The following CAPN14 variants were observed in gnomAD, a reference collection of about 807,000 sequenced individuals.
CAPN14 encodes the protein calpain 14.
A neutral mutation model predicts 101.3 loss-of-function variants in CAPN14; 94 were observed. The ratio of observed to expected loss-of-function variants is 0.93; its 90% CI spans 0.79 to 1.10. CAPN14 has a LOEUF of 1.10. Ranked by LOEUF, CAPN14 falls within the 50% of genes least tolerant of loss-of-function variation. The probability of loss-of-function intolerance (pLI) is 0.00; values close to 1 mark genes in which losing one functional copy is unlikely to be tolerated. For synonymous variants in CAPN14, 338 were observed against 317.9 expected, an observed-to-expected ratio of 1.06 and a Z score of -0.67; for missense variants, 837 against 828.4, an observed-to-expected ratio of 1.01 and a Z score of -0.13.
rs1304217334 is a variant in CAPN14, at chr2:31,188,400, AT to A, written c.1494-47del. ...ACAAACTCAGAGTTTCCTCTTGGGA[AT>A]TTTTTGGCCAATCTTCCCCTTCTCC... is the stretch of plus-strand genomic sequence containing the variant. On this transcript the variant is annotated intron_variant, in intron 13 of 21. Transcript: ENST00000403897. The A allele has an allele frequency of 1.5e-4, 226 of 1,544,350 alleles. 1 individual carries two copies. In the East Asian group the frequency reaches 5.4e-3, roughly 37 times the overall value.
chr2:31,222,962 A>G (rs572106053), intron 2 of CAPN14, among the ~76,000 whole-genome samples: 1 of 152,366 alleles, frequency 6.6e-6, no homozygotes, highest in African/African-American at 2.4e-5. Flanking sequence ...GGGACCCCAG[A>G]GAACTCTCCT....
chr2:31,213,922 G>C (rs1388020065), intron 1 of CAPN14, among the ~76,000 whole-genome samples: 2 of 150,838 alleles, frequency 1.3e-5, no homozygotes, highest in South Asian at 2.1e-4. Flanking sequence ...GGTTTGAAAG[G>C]CTTTAAATTG....
At chr2:31,229,034 G>A (rs1238995786) in intron 1 of CAPN14, among the ~76,000 whole-genome samples, 1 of 152,136 alleles carries the variant, frequency 6.6e-6, no homozygotes, top group Non-Finnish European at 1.5e-5. Flanking sequence ...CGAGTTCCAG[G>A]GGCATTACAT....
intron 2 of CAPN14, among the ~76,000 whole-genome samples, chr2:31,222,905 G>T (rs1449395878): frequency 6.6e-6 from 1 of 152,184 alleles, no homozygotes; most frequent in African/African-American, 2.4e-5. Flanking sequence ...AGCAATGAAT[G>T]GGATTTATGA....
rs573244043 is a variant in CAPN14, at chr2:31,182,585, A to G, written c.1646-1585T>C. On this transcript the variant is annotated intron_variant, in intron 16 of 21. Coordinates refer to ENST00000403897, the MANE Select transcript of CAPN14 (RefSeq NM_001145122.2). ...AATCATGAGTGAACTCCCATTCACAATTGCTTCAAAGAGAATAAAATACCT... is the reference window on the plus strand; with the variant it reads ...AATCATGAGTGAACTCCCATTCACAGTTGCTTCAAAGAGAATAAAATACCT... Among the ~76,000 whole-genome samples the G allele has an allele frequency of 1.5e-3, 194 of 130,846 alleles. 9 individuals carry two copies. Among genetic ancestry groups the G allele is most frequent in the South Asian group, 1.7e-3 (7 of 4,178 alleles). The allele number at this position is 130,846 out of a possible 152,430, so 85.8% of individuals were successfully genotyped here.
rs1489230494 is a variant in CAPN14, at chr2:31,173,692, G to A, written c.*989C>T. ...TCAGATTTGGGGTTTTCAGATTTGG[G>A]ATGCTCAACCTGTAGTAATAAATGG... On this transcript the variant is annotated 3_prime_UTR_variant, in exon 22 of 22. Coordinates refer to ENST00000403897, the MANE Select transcript of CAPN14 (RefSeq NM_001145122.2). 3 of 152,088 alleles carry A rather than the reference G, an allele frequency of 2.0e-5. No homozygotes were observed. The highest frequency in any genetic ancestry group is 4.4e-5 in the Non-Finnish European group (3 of 68,018). 9.4% of individuals were successfully genotyped at this position (152,088 alleles called of 1,614,324 possible). A position where few individuals can be genotyped will look rare whatever the true frequency, so the allele number is the denominator to read the frequency against.
At position 31,200,636 on chromosome 2, in the gene CAPN14, A is replaced by G; in HGVS notation, c.552-11T>C. On this transcript the variant is annotated splice_polypyrimidine_tract_variant and intron_variant, in intron 5 of 21. Coordinates refer to ENST00000403897, the MANE Select transcript of CAPN14 (RefSeq NM_001145122.2). ...TAGGAACCAGAGAGCCTGGCCAGGG[A>G]AGAAATAAACATGAGAGGAAAAAAG... is the stretch of plus-strand genomic sequence containing the variant. 6.5e-7 allele frequency: 1 copy of G among 1,535,274 alleles called. No homozygotes were observed. Among genetic ancestry groups the G allele is most frequent in the Non-Finnish European group, 8.8e-7 (1 of 1,141,156 alleles).
intron 1 of CAPN14, 74 bp from the exon 2 acceptor site, chr2:31,205,573 A>G: frequency 2.6e-6 from 2 of 773,352 alleles, no homozygotes; most frequent in South Asian, 1.7e-5. Flanking sequence ...GACGAGGGGA[A>G]GGATGGAGAG....
intron 5 of CAPN14, 66 bp downstream of exon 5, chr2:31,201,796 C>T (rs1681795083): frequency 1.3e-6 from 2 of 1,531,220 alleles, no homozygotes; most frequent in Non-Finnish European, 1.8e-6. Flanking sequence ...CTCCACTCCC[C>T]TCCCTCAACA....
At chr2:31,221,849 A>T (rs142840059), upstream of CAPN14, among the ~76,000 whole-genome samples, 1 of 152,224 alleles carries the variant, frequency 6.6e-6, no homozygotes, top group Non-Finnish European at 1.5e-5. Flanking sequence ...GAAAAGAGGG[A>T]CAAAGTGCCT....
At position 31,205,407 on chromosome 2, in the gene CAPN14, G is replaced by A. The variant is rs773338913; in HGVS notation, c.41C>T (p.Ala14Val). The A allele has an allele frequency of 2.0e-5, 31 of 1,551,442 alleles. No individual in the cohort carries two copies. Among genetic ancestry groups the A allele is most frequent in the Middle Eastern group, 1.7e-4 (1 of 5,976 alleles). Residue 14 changes from alanine to valine, a missense_variant, in exon 2 of 22, where the codon GCG becomes GTG. Ala to Val is a moderately conservative substitution (Grantham distance 64, BLOSUM62 0). Coordinates refer to ENST00000403897, the MANE Select transcript of CAPN14 (RefSeq NM_001145122.2). Reference protein sequence around the residue: ...WPPFRCRWKLAPRYSRRASPQ... With the variant: ...WPPFRCRWKLVPRYSRRASPQ... ...AGACGCCCTCCTAGAGTACCTTGGC[G>A]CCAGCTTCCATCTGCATCGGAAAGG...
At chr2:31,182,790 C>T (rs947260346) in intron 16 of CAPN14, among the ~76,000 whole-genome samples, 2 of 151,654 alleles carry the variant, frequency 1.3e-5, no homozygotes, top group African/African-American at 4.9e-5. Context: ...AATGCCATCC[C>T]CATCAAGCTA....
chr2:31,206,025 T>A (rs1290723983), intron 1 of CAPN14, among the ~76,000 whole-genome samples: 10 of 131,594 alleles, frequency 7.6e-5, no homozygotes, highest in East Asian at 5.2e-4. Context: ...ATCTTTATTT[T>A]TTTTATTTAT....
chr2:31,223,509 T>C (rs1202352423), intron 2 of CAPN14, among the ~76,000 whole-genome samples: 1 of 151,848 alleles, frequency 6.6e-6, no homozygotes, highest in East Asian at 1.9e-4. Flanking sequence ...TCATTTTAAG[T>C]ACTAAGCTTC....
chr2:31,222,556 T>C (rs931336779), intron 2 of CAPN14, among the ~76,000 whole-genome samples: 2 of 152,148 alleles, frequency 1.3e-5, no homozygotes, highest in African/African-American at 4.8e-5. Flanking sequence ...AGTGGAAAAA[T>C]TCAATTGTTT....
chr2:31,192,230 T>G lies in CAPN14; in HGVS notation c.1115-132A>C. ...CACCCTGAGGCCCACTGGGACAGAG[T>G]CGGGGTCCCTTCAACCTTGGATTTA... On this transcript the variant is annotated intron_variant, in intron 10 of 21. Coordinates refer to ENST00000403897, the MANE Select transcript of CAPN14 (RefSeq NM_001145122.2). 3 of 1,058,430 alleles carry G rather than the reference T, an allele frequency of 2.8e-6. No individual in the cohort carries two copies. The South Asian group carries it at 5.7e-5, about 20-fold the overall frequency. The allele number at this position is 1,058,430 out of a possible 1,614,324, so 65.6% of individuals were successfully genotyped here. A position where few individuals can be genotyped will look rare whatever the true frequency, so the allele number is the denominator to read the frequency against.
rs1223193098 is a variant in CAPN14, at chr2:31,200,586, C to T, written c.591G>A (p.Val197=). Residue 197 remains valine, a synonymous_variant, in exon 6 of 22, where the codon GTG becomes GTA. Coordinates refer to ENST00000403897, the MANE Select transcript of CAPN14 (RefSeq NM_001145122.2). ...GSYEDLQSGQ[V]SEALVDFTGG... ...CAGTGAAGTCTACAAGGGCTTCAGACACCTGTCCTGACTGCAAGTCTTCAT... is the reference window on the plus strand; with the variant it reads ...CAGTGAAGTCTACAAGGGCTTCAGATACCTGTCCTGACTGCAAGTCTTCAT... The T allele has an allele frequency of 1.9e-6, 3 of 1,551,578 alleles. No homozygotes were observed. The highest frequency in any genetic ancestry group is 2.4e-5 in the South Asian group (2 of 84,034).
chr2:31,191,332 CT>C, intron 12 of CAPN14, 66 bp downstream of exon 12: 1 of 1,461,370 alleles, frequency 6.8e-7, no homozygotes, highest in South Asian at 1.3e-5. Context: ...TAACTAAATC[CT>C]GTGGAGGCTT....
At chr2:31,184,600 T>C (rs1022643703) in intron 16 of CAPN14, among the ~76,000 whole-genome samples, 4 of 152,250 alleles carry the variant, frequency 2.6e-5, no homozygotes, top group Admixed American at 6.5e-5. Context: ...GGAGATTTTC[T>C]GCAGAGAAAG....
Sources: allele counts gnomAD v4.1 joint callset (sites outside exome capture counted in the v4.1 genomes callset), GRCh38; gene constraint gnomAD v4.1.1; transcripts MANE v1.5; gene names NCBI Gene and HGNC (gene_info 2026-07-23, HGNC 2026-07-21).